Variants in ARHGAP10 observed in about 807,000 individuals in gnomAD.
ARHGAP10 encodes the protein rho GTPase-activating protein 10.
Under a neutral mutation model 108.6 loss-of-function variants are expected in ARHGAP10, and 87 were observed. That is an observed-to-expected ratio of 0.80 (90% CI 0.67 to 0.96). ARHGAP10 has a LOEUF of 0.96. Ranked by LOEUF, ARHGAP10 falls within the 40% of genes least tolerant of loss-of-function variation. The pLI is 0.00. For synonymous variants in ARHGAP10, 347 were observed against 341.1 expected, an observed-to-expected ratio of 1.02 and a Z score of -0.19; for missense variants, 939 against 954.5, an observed-to-expected ratio of 0.98 and a Z score of 0.21.
intron 18 of ARHGAP10, among the ~76,000 whole-genome samples, chr4:148,010,602 C>G (rs749760501): frequency 1.3e-5 from 2 of 152,004 alleles, no homozygotes; most frequent in Non-Finnish European, 1.5e-5. Flanking sequence ...ATATCATAAC[C>G]CTTCATCCCT....
chr4:148,015,756 C>T (rs891421512), intron 18 of ARHGAP10, among the ~76,000 whole-genome samples: 3 of 152,192 alleles, frequency 2.0e-5, no homozygotes, highest in Non-Finnish European at 2.9e-5. Context: ...TTTGCTTAAA[C>T]CTGTAGACTC....
At chr4:147,845,416 C>T (rs1016912872) in intron 3 of ARHGAP10, among the ~76,000 whole-genome samples, 5 of 152,164 alleles carry the variant, frequency 3.3e-5, no homozygotes, top group African/African-American at 1.2e-4. Context: ...TCCCCATCAC[C>T]TGGCATTGCA....
chr4:147,819,974 G>A (rs1028743954), intron 1 of ARHGAP10, among the ~76,000 whole-genome samples: 10 of 152,276 alleles, frequency 6.6e-5, no homozygotes, highest in African/African-American at 9.6e-5. Flanking sequence ...GTGACAATGC[G>A]CAAATATTGA....
intron 4 of ARHGAP10, among the ~76,000 whole-genome samples, chr4:147,853,267 TC>T (rs982429647): frequency 1.6e-4 from 25 of 152,346 alleles, no homozygotes; most frequent in African/African-American, 2.6e-4. Flanking sequence ...ACCTGCAGAC[TC>T]CACACGGACA....
intron 4 of ARHGAP10, among the ~76,000 whole-genome samples, chr4:147,853,843 T>C (rs1733976999): frequency 2.6e-5 from 4 of 152,164 alleles, no homozygotes. Flanking sequence ...CTCTATGGCT[T>C]CATTGTTTAC....
intron 16 of ARHGAP10, among the ~76,000 whole-genome samples, chr4:147,958,859 T>C (rs1738884220): frequency 6.6e-6 from 1 of 152,246 alleles, no homozygotes; most frequent in Non-Finnish European, 1.5e-5. Flanking sequence ...TTCTGTTAGT[T>C]GGCACAGCAT....
At chr4:147,977,804 T>TCTCCCC (rs1475687132) in intron 18 of ARHGAP10, among the ~76,000 whole-genome samples, 2 of 152,038 alleles carry the variant, frequency 1.3e-5, no homozygotes, top group Non-Finnish European at 2.9e-5. Context: ...TTTCTCTCTC[T>TCTCCCC]CTCCCCCTCC....
Position 148,032,709 on chromosome 4 carries a change from C to T in ARHGAP10, c.1867+9296C>T, listed in dbSNP as rs1427447989. Among the ~76,000 whole-genome samples the T allele has an allele frequency of 4.6e-5, 7 of 152,090 alleles. No individual in the cohort carries two copies. In the East Asian group the frequency reaches 1.3e-3, roughly 29 times the overall value. ...AATAGGCCATCTGCAAGCTGAGGAG[C>T]AGGGAAGCTAGTCCAAGTCCCAAAA... On this transcript the variant is annotated intron_variant, in intron 19 of 22. Transcript: ENST00000336498.
intron 4 of ARHGAP10, among the ~76,000 whole-genome samples, chr4:147,850,868 C>T (rs1319190410): frequency 6.6e-6 from 1 of 152,194 alleles, no homozygotes; most frequent in African/African-American, 2.4e-5. Context: ...CCAAATGTCC[C>T]ACAGGACTTT....
At chr4:147,939,999 C>A (rs1311512293) in intron 14 of ARHGAP10, 100 bp downstream of exon 14, 4 of 1,149,664 alleles carry the variant, frequency 3.5e-6, no homozygotes, top group Non-Finnish European at 5.0e-6. Context: ...ACTTGTCATT[C>A]CATTCCTCTA....
intron 1 of ARHGAP10, among the ~76,000 whole-genome samples, chr4:147,738,368 G>C (rs1204486926): frequency 6.6e-6 from 1 of 151,988 alleles, no homozygotes; most frequent in African/African-American, 2.4e-5. Flanking sequence ...TGGCTAACAC[G>C]GTGAAACCCC....
intron 18 of ARHGAP10, among the ~76,000 whole-genome samples, chr4:148,000,696 C>T (rs575771758): frequency 1.3e-4 from 20 of 152,260 alleles, no homozygotes; most frequent in African/African-American, 4.8e-4. Context: ...AGCATTTTTT[C>T]ATGTGTCTGT....
intron 1 of ARHGAP10, among the ~76,000 whole-genome samples, chr4:147,741,617 A>T (rs1269141127): frequency 6.6e-6 from 1 of 152,084 alleles, no homozygotes; most frequent in African/African-American, 2.4e-5. Context: ...TCCCTTACTT[A>T]TCCTAACACA....
At chr4:147,956,896 C>A (rs538608293) in intron 16 of ARHGAP10, among the ~76,000 whole-genome samples, 1 of 152,032 alleles carries the variant, frequency 6.6e-6, no homozygotes, top group Non-Finnish European at 1.5e-5. Flanking sequence ...ATTTGAATAT[C>A]AGTGTGTTTT....
At chr4:148,051,925 TG>T (rs894082195) in intron 20 of ARHGAP10, among the ~76,000 whole-genome samples, 3 of 152,172 alleles carry the variant, frequency 2.0e-5, no homozygotes, top group African/African-American at 7.2e-5. Flanking sequence ...GGCAAATGAA[TG>T]GGGGGTTTCT....
chr4:147,899,708 T>C (rs1229012105), intron 10 of ARHGAP10, among the ~76,000 whole-genome samples: 3 of 79,210 alleles, frequency 3.8e-5, no homozygotes, highest in African/African-American at 6.0e-5. Context: ...GGCAACATGC[T>C]TTTATCATCT....
At chr4:147,771,904 G>T (rs1243266850) in intron 1 of ARHGAP10, among the ~76,000 whole-genome samples, 1 of 152,116 alleles carries the variant, frequency 6.6e-6, no homozygotes, top group African/African-American at 2.4e-5. Context: ...CGATTTTCCT[G>T]CCTCAGCCTC....
At chr4:147,889,159 TC>T (rs1735689599) in intron 10 of ARHGAP10, among the ~76,000 whole-genome samples, 2 of 152,366 alleles carry the variant, frequency 1.3e-5, no homozygotes, top group South Asian at 4.1e-4. Context: ...CAGTCAACTA[TC>T]CTTTTCTTCT....
intron 1 of ARHGAP10, among the ~76,000 whole-genome samples, chr4:147,732,725 C>T (rs908022923): frequency 1.3e-5 from 2 of 152,172 alleles, no homozygotes; most frequent in Non-Finnish European, 2.9e-5. Flanking sequence ...CCCGCCTGGC[C>T]CCGGCCGAAC....
Sources: allele counts gnomAD v4.1 joint callset (sites outside exome capture counted in the v4.1 genomes callset), GRCh38; gene constraint gnomAD v4.1.1; transcripts MANE v1.5; gene names NCBI Gene and HGNC (gene_info 2026-07-23, HGNC 2026-07-21).